Variants in ZNF676 observed in about 807,000 individuals in gnomAD.
The protein encoded by ZNF676 is zinc finger protein 676.
A neutral mutation model predicts 6.0 loss-of-function variants in ZNF676; 4 were observed. That is an observed-to-expected ratio of 0.67 (90% CI 0.33 to 1.53). The LOEUF (loss-of-function observed/expected upper bound fraction) is 1.53. Ranked by LOEUF, ZNF676 falls within the 40% of genes most tolerant of loss-of-function variation. ZNF676 has a pLI of 0.06. For synonymous variants in ZNF676, 198 were observed against 223.1 expected (o/e 0.89, Z 1.00); for missense variants, 644 against 679.7 (o/e 0.95, Z 0.58).
At chr19:22,207,568 T>C (rs2024087890) in intron 1 of ZNF676, among the ~76,000 whole-genome samples, 1 of 152,086 alleles carries the variant, frequency 6.6e-6, no homozygotes, top group Non-Finnish European at 1.5e-5. Flanking sequence ...CACCAAAATA[T>C]TTTTTAACAG....
chr19:22,204,597 G>T (rs2024058462), intron 1 of ZNF676, among the ~76,000 whole-genome samples: 1 of 152,134 alleles, frequency 6.6e-6, no homozygotes, highest in Non-Finnish European at 1.5e-5. Context: ...ATTTCAGCCT[G>T]CAAATAATCA....
the ZNF676 span, among the ~76,000 whole-genome samples, chr19:22,238,109 C>G: frequency 6.6e-6 from 1 of 152,162 alleles, no homozygotes; most frequent in Non-Finnish European, 1.5e-5. Context: ...TCATTATGTT[C>G]CTTGGTTCTC....
At chr19:22,241,786 A>G in the ZNF676 span, among the ~76,000 whole-genome samples, 1 of 151,888 alleles carries the variant, frequency 6.6e-6, no homozygotes, top group Admixed American at 6.6e-5. Flanking sequence ...TCAATTGCCC[A>G]TGAGATGGTT....
chr19:22,205,257 TCAA>T (rs1382610126), intron 1 of ZNF676, among the ~76,000 whole-genome samples: 1 of 151,934 alleles, frequency 6.6e-6, no homozygotes, highest in Non-Finnish European at 1.5e-5. Flanking sequence ...TTGAAGAAAA[TCAA>T]CAACAATATT....
At chr19:22,218,482 G>A (rs2024215949), upstream of ZNF676, among the ~76,000 whole-genome samples, 1 of 151,068 alleles carries the variant, frequency 6.6e-6, no homozygotes, top group South Asian at 2.1e-4. Flanking sequence ...ACAGGCACCT[G>A]CCACCACACC....
At chr19:22,242,568 C>T in the ZNF676 span, among the ~76,000 whole-genome samples, 5 of 151,932 alleles carry the variant, frequency 3.3e-5, no homozygotes. Flanking sequence ...AAGGCCCAAG[C>T]AGGAGAAAAG....
At chr19:22,188,130 C>T (rs1377168387) in intron 2 of ZNF676, among the ~76,000 whole-genome samples, 7 of 152,042 alleles carry the variant, frequency 4.6e-5, no homozygotes, top group South Asian at 4.2e-4. Context: ...ACTGGTAAAC[C>T]GAATCCAGCA....
chr19:22,231,917 T>A, the ZNF676 span, among the ~76,000 whole-genome samples: 4 of 151,974 alleles, frequency 2.6e-5, no homozygotes, highest in Non-Finnish European at 4.4e-5. Flanking sequence ...CTATCTTAAG[T>A]CAAAAACCGT....
At chr19:22,198,272 T>C (rs894128991), upstream of ZNF676, among the ~76,000 whole-genome samples, 2 of 152,218 alleles carry the variant, frequency 1.3e-5, no homozygotes, top group African/African-American at 4.8e-5. Flanking sequence ...AGATTATAAA[T>C]TCATAGTGAG....
At chr19:22,198,498 C>G (rs372594711), upstream of ZNF676, among the ~76,000 whole-genome samples, 1 of 152,274 alleles carries the variant, frequency 6.6e-6, no homozygotes, top group Admixed American at 6.5e-5. Flanking sequence ...ATCTTGATCT[C>G]AGACATGTTT....
intron 1 of ZNF676, among the ~76,000 whole-genome samples, chr19:22,193,952 C>A (rs549350978): frequency 1.3e-5 from 2 of 152,146 alleles, no homozygotes; most frequent in Admixed American, 6.6e-5. Context: ...ATTTGGGTTG[C>A]ACTTGCTTAT....
At chr19:22,236,904 G>A in the ZNF676 span, among the ~76,000 whole-genome samples, 21 of 152,158 alleles carry the variant, frequency 1.4e-4, no homozygotes, top group Non-Finnish European at 2.8e-4. Flanking sequence ...GCCTTTGATG[G>A]TTGAGTGCCA....
At chr19:22,205,960 C>G (rs1191321332) in intron 1 of ZNF676, among the ~76,000 whole-genome samples, 1 of 151,332 alleles carries the variant, frequency 6.6e-6, no homozygotes. Context: ...AGAGACATTA[C>G]CACTGACCCC....
At chr19:22,198,618 A>C (rs1201693041), upstream of ZNF676, among the ~76,000 whole-genome samples, 1 of 152,180 alleles carries the variant, frequency 6.6e-6, no homozygotes, top group Non-Finnish European at 1.5e-5. Context: ...ATATGCCTTT[A>C]AAAGTGTCAG....
chr19:22,187,848 T>C (rs1489449900), intron 2 of ZNF676, among the ~76,000 whole-genome samples: 2 of 152,006 alleles, frequency 1.3e-5, no homozygotes, highest in Non-Finnish European at 2.9e-5. Flanking sequence ...CATAGACCAA[T>C]AACAAGTTCT....
At chr19:22,243,997 T>C in the ZNF676 span, 1 of 152,172 alleles carries the variant, frequency 6.6e-6, no homozygotes, top group Non-Finnish European at 1.5e-5. Flanking sequence ...CCCAAATGGT[T>C]TATGAAACAC....
At position 22,196,898 on chromosome 19, in the gene ZNF676, T is replaced by G; in HGVS notation, c.-265A>C. The G allele has an allele frequency of 1.5e-6, 1 of 650,818 alleles. No individual in the cohort carries two copies. Among genetic ancestry groups the G allele is most frequent in the Non-Finnish European group, 2.6e-6 (1 of 385,358 alleles). 40.3% of individuals were successfully genotyped at this position (650,818 alleles called of 1,614,324 possible). The stretch of plus-strand genomic sequence containing the variant: ...CAGAAATGTTCACTAATGTATTCTC[T>G]AACTCTGAGAAAAGAAAGTGGTATA... On this transcript the variant is annotated 5_prime_UTR_variant, in exon 1 of 3. Coordinates refer to ENST00000397121, the MANE Select transcript of ZNF676 (RefSeq NM_001001411.3).
chr19:22,229,000 C>G, the ZNF676 span, among the ~76,000 whole-genome samples: 1 of 152,158 alleles, frequency 6.6e-6, no homozygotes, highest in South Asian at 2.1e-4. Flanking sequence ...GAAAAAACTA[C>G]TTTAAATTTC....
At chr19:22,257,534 A>G in the ZNF676 span, among the ~76,000 whole-genome samples, 4 of 152,196 alleles carry the variant, frequency 2.6e-5, no homozygotes, top group African/African-American at 4.8e-5. Context: ...GACTAACGAC[A>G]TGATAGGTAA....
Sources: gnomAD v4.1 joint callset for allele counts (sites outside exome capture counted in the v4.1 genomes callset) on GRCh38, gnomAD v4.1.1 for gene constraint, MANE v1.5 for transcripts, NCBI Gene and HGNC (gene_info 2026-07-23, HGNC 2026-07-21) for gene names.